Variants in PAX5 observed in about 807,000 individuals in gnomAD.
PAX5 encodes paired box 5, also known as paired box protein Pax-5.
In PAX5, 9 loss-of-function variants were observed where a neutral mutation model predicts 43.7. The observed-to-expected ratio is 0.21, with a 90% CI of 0.12 to 0.36. The LOEUF is 0.36. Among genes scored for constraint, PAX5 ranks in the 10% least tolerant of loss-of-function variants. The pLI is 1.00. For missense variants in PAX5, 383 were observed against 532.7 expected, an observed-to-expected ratio of 0.72 and a Z score of 2.77; for synonymous variants, 228 against 214.3, an observed-to-expected ratio of 1.06 and a Z score of -0.56.
chr9:36,859,819 G>C (rs1183319684), intron 8 of PAX5, among the ~76,000 whole-genome samples: 1 of 152,176 alleles, frequency 6.6e-6, no homozygotes, highest in Non-Finnish European at 1.5e-5. Context: ...TGGATCACGA[G>C]GTCAGGAGAT....
At chr9:37,030,091 C>A (rs1032989774) in intron 1 of PAX5, among the ~76,000 whole-genome samples, 1 of 152,178 alleles carries the variant, frequency 6.6e-6, no homozygotes, top group Non-Finnish European at 1.5e-5. Flanking sequence ...GGAGTAGCGC[C>A]GATTCTCCCT....
At chr9:37,030,893 G>A (rs561629192) in intron 1 of PAX5, among the ~76,000 whole-genome samples, 3 of 152,342 alleles carry the variant, frequency 2.0e-5, no homozygotes, top group South Asian at 2.1e-4. Flanking sequence ...AGGCCCAATA[G>A]GGCTCAGACT....
intron 3 of PAX5, among the ~76,000 whole-genome samples, chr9:37,013,234 G>A (rs2132460811): frequency 6.6e-6 from 1 of 152,308 alleles, no homozygotes; most frequent in South Asian, 2.1e-4. Context: ...GCATTCGGCT[G>A]GAGCTAAGAA....
intron 4 of PAX5, among the ~76,000 whole-genome samples, chr9:37,005,231 C>A (rs1472123117): frequency 1.3e-5 from 2 of 152,222 alleles, no homozygotes; most frequent in Non-Finnish European, 2.9e-5. Context: ...ATCCCTTCTT[C>A]TTGAGCTTCA....
chr9:36,848,579 TG>T (rs938212588), intron 8 of PAX5, among the ~76,000 whole-genome samples: 3 of 152,104 alleles, frequency 2.0e-5, no homozygotes, highest in African/African-American at 7.2e-5. Flanking sequence ...CCTCCTCAGG[TG>T]GGGGAGTAGA....
At chr9:36,930,614 G>T (rs1278616838) in intron 6 of PAX5, among the ~76,000 whole-genome samples, 1 of 152,186 alleles carries the variant, frequency 6.6e-6, no homozygotes. Context: ...CAGGGTTTTT[G>T]TCCCAGCTCT....
intron 1 of PAX5, chr9:37,026,580 G>C: frequency 1.5e-6 from 2 of 1,345,470 alleles, no homozygotes; most frequent in East Asian, 3.7e-5. Context: ...TTCCATCGGG[G>C]CGCTCCAGAC....
intron 7 of PAX5, among the ~76,000 whole-genome samples, chr9:36,901,420 T>C (rs565115407): frequency 6.6e-6 from 1 of 152,224 alleles, no homozygotes; most frequent in African/African-American, 2.4e-5. Flanking sequence ...ACCTGTGACA[T>C]CTGTCACATG....
chr9:37,004,528 T>C (rs1057371453), intron 4 of PAX5, among the ~76,000 whole-genome samples: 1 of 152,230 alleles, frequency 6.6e-6, no homozygotes, highest in Non-Finnish European at 1.5e-5. Context: ...TCCTGGCTCC[T>C]ACAAACCTAG....
At chr9:36,863,858 C>T (rs142069444) in intron 8 of PAX5, among the ~76,000 whole-genome samples, 3,060 of 152,322 alleles carry the variant, frequency 0.02, 43 homozygotes, top group Non-Finnish European at 0.031. Context: ...CGCCTCCAAT[C>T]CCAGTACTTT....
chr9:36,980,069 C>A (rs928789307), intron 5 of PAX5, among the ~76,000 whole-genome samples: 1 of 152,214 alleles, frequency 6.6e-6, no homozygotes, highest in Non-Finnish European at 1.5e-5. Context: ...ACTTCATTCC[C>A]TACTGTCAAC....
At chr9:36,966,785 A>G (rs1486297354) in intron 5 of PAX5, 61 bp from the exon 6 acceptor site, 1 of 1,495,636 alleles carries the variant, frequency 6.7e-7, no homozygotes, top group South Asian at 1.2e-5. Flanking sequence ...AAAGAAAGAC[A>G]GGTCAGACCC....
chr9:36,984,941 C>T (rs1421037519), intron 5 of PAX5, among the ~76,000 whole-genome samples: 1 of 152,180 alleles, frequency 6.6e-6, no homozygotes, highest in Non-Finnish European at 1.5e-5. Context: ...GACCTGGGTC[C>T]CTCTTCCCTG....
At position 36,973,822 on chromosome 9, in the gene PAX5, A is replaced by G. The variant is rs370845745; in HGVS notation, c.605-7098T>C. Among the ~76,000 whole-genome samples the G allele has an allele frequency of 3.8e-4, 58 of 152,340 alleles. No homozygotes were observed. In the South Asian group the frequency reaches 0.011, roughly 30 times the overall value. On this transcript the variant is annotated intron_variant, in intron 5 of 9. Coordinates refer to ENST00000358127, the MANE Select transcript of PAX5 (RefSeq NM_016734.3). ...GGAGTTCAAGACCAGCCTGGCCAAT[A>G]TGGTAAAACCCCGTCTCTACTAAAA...
At chr9:36,844,576 C>A (rs374294973) in intron 9 of PAX5, among the ~76,000 whole-genome samples, 10 of 152,280 alleles carry the variant, frequency 6.6e-5, no homozygotes, top group African/African-American at 2.4e-4. Context: ...TGTCTCTGGC[C>A]CCCTAAAGGT....
At chr9:37,002,426 A>G (rs879801884) in intron 5 of PAX5, among the ~76,000 whole-genome samples, 11 of 152,164 alleles carry the variant, frequency 7.2e-5, no homozygotes, top group Non-Finnish European at 1.5e-4. Context: ...ACCATGGGGG[A>G]GGCCAGCAAG....
chr9:36,982,447 T>C (rs556007828), intron 5 of PAX5, among the ~76,000 whole-genome samples: 85 of 152,258 alleles, frequency 5.6e-4, no homozygotes, highest in African/African-American at 1.9e-3. Flanking sequence ...GCCCATACTC[T>C]GTCAAGGAGA....
rs148029078 is a variant in PAX5, at chr9:36,943,398, A to T, written c.781-19914T>A. Among the ~76,000 whole-genome samples, 676 of 152,260 alleles carry T rather than the reference A, an allele frequency of 4.4e-3. 7 individuals are homozygous for T. The highest frequency in any genetic ancestry group is 0.015 in the African/African-American group (606 of 41,554). On this transcript the variant is annotated intron_variant, in intron 6 of 9. Coordinates refer to ENST00000358127, the MANE Select transcript of PAX5 (RefSeq NM_016734.3). ...AATGGCTATGCTTGGCCTCTAGGAC[A>T]CGAGACTGGAGTTTTACACACCCCA...
chr9:36,987,682 T>C (rs562196970), intron 5 of PAX5, among the ~76,000 whole-genome samples: 28 of 152,130 alleles, frequency 1.8e-4, no homozygotes, highest in Non-Finnish European at 3.4e-4. Context: ...AGTCATACAC[T>C]GGGGTCTGCT....
Sources: allele counts gnomAD v4.1 joint callset (sites outside exome capture counted in the v4.1 genomes callset), GRCh38; gene constraint gnomAD v4.1.1; transcripts MANE v1.5; gene names NCBI Gene and HGNC (gene_info 2026-07-23, HGNC 2026-07-21).